The following TMEM132B variants were observed in gnomAD, a reference collection of about 807,000 sequenced individuals.
TMEM132B encodes the protein transmembrane protein 132B.
Under a neutral mutation model 90.8 loss-of-function variants are expected in TMEM132B, and 18 were observed. The ratio of observed to expected loss-of-function variants is 0.20; its 90% CI spans 0.14 to 0.29. TMEM132B has a LOEUF of 0.29. TMEM132B is among the 10% of genes least tolerant of loss of function. The pLI is 1.00. For synonymous variants in TMEM132B, 504 were observed against 523.3 expected (o/e 0.96, Z 0.50); for missense variants, 1,096 against 1,326.8 (o/e 0.83, Z 2.70).
At position 125,349,972 on chromosome 12, in the gene TMEM132B, C is replaced by T. The variant is rs374892074; in HGVS notation, c.588C>T (p.Pro196=). The T allele has an allele frequency of 3.7e-4, 594 of 1,614,164 alleles. No individual in the cohort carries two copies. The highest frequency in any genetic ancestry group is 2.6e-3 in the East Asian group (115 of 44,884). ...GTGTGGCTGAGCTGGAGCTGCTGCCCGAGTGGTTCAGCTCAGGCCTGGACC... is the reference window on the plus strand; with the variant it reads ...GTGTGGCTGAGCTGGAGCTGCTGCCTGAGTGGTTCAGCTCAGGCCTGGACC... ...GLCVAELELL[P]EWFSSGLDLE... is the part of the protein sequence containing the mutation. The change falls in exon 2 of 9, where the codon CCC becomes CCT. Residue 196 remains proline, a synonymous_variant. Transcript: ENST00000682704. This position sits in a 1 kb window ranked among gnomAD's most constrained non-coding sequence, Gnocchi z 4.1.
At chr12:125,481,330 A>T (rs951460529) in intron 3 of TMEM132B, among the ~76,000 whole-genome samples, 4 of 152,226 alleles carry the variant, frequency 2.6e-5, no homozygotes, top group Admixed American at 2.6e-4. Context: ...CTATTTGCAG[A>T]TGGCATGACT....
rs180936219 is a variant in TMEM132B, at chr12:125,460,865, A to T, written c.1106+45188A>T. Among the ~76,000 whole-genome samples, 30 of 152,330 alleles carry T rather than the reference A, an allele frequency of 2.0e-4. No homozygotes were observed. The highest frequency in any genetic ancestry group is 7.2e-4 in the African/African-American group (30 of 41,566). On this transcript the variant is annotated intron_variant, in intron 3 of 8. Transcript: ENST00000682704. The surrounding 1 kb of genome is among the most constrained non-coding windows in gnomAD (Gnocchi z 4.4). The stretch of plus-strand genomic sequence containing the variant: ...CTTCTGGTCTTTTGAAGACAATGAA[A>T]CATATTGTTTGTTGTCATCATGAAA...
At chr12:125,637,576 G>A (rs536279747) in intron 5 of TMEM132B, among the ~76,000 whole-genome samples, 1 of 152,102 alleles carries the variant, frequency 6.6e-6, no homozygotes, top group African/African-American at 2.4e-5. Flanking sequence ...GAAGCAAAGT[G>A]GGGGGACAAC....
In TMEM132B at chr12:125,654,078, T is replaced by G; in HGVS notation, c.2620T>G (p.Phe874Val). ...KLLKSGGPDA[F>V]TSFPTQGKSP... ...ACTCAAAAGTGGTGGTCCAGATGCC[T>G]TTACAAGCTTCCCCACTCAAGGGAA... Residue 874 changes from phenylalanine to valine, a missense_variant, in exon 9 of 9, where the codon TTT becomes GTT. Coordinates refer to ENST00000682704, the MANE Select transcript of TMEM132B (RefSeq NM_001366854.1). The surrounding 1 kb of genome is among the most constrained non-coding windows in gnomAD (Gnocchi z 5.8). The G allele has an allele frequency of 6.2e-7, 1 of 1,614,132 alleles. No homozygotes were observed. Among genetic ancestry groups the G allele is most frequent in the Non-Finnish European group, 8.5e-7 (1 of 1,180,022 alleles).
intron 1 of TMEM132B, among the ~76,000 whole-genome samples, chr12:125,341,803 A>G (rs1190434977): frequency 6.6e-6 from 1 of 152,204 alleles, no homozygotes; most frequent in East Asian, 1.9e-4. Context: ...GTCAGGGTTG[A>G]GAATCCTTGT....
At chr12:125,229,980 C>T (rs1449317778) in intron 1 of TMEM132B, among the ~76,000 whole-genome samples, 1 of 152,218 alleles carries the variant, frequency 6.6e-6, no homozygotes, top group Non-Finnish European at 1.5e-5. Context: ...AATGCCGGGG[C>T]AGGAGCAGCC....
At chr12:125,613,333 G>A (rs1011987689) in intron 5 of TMEM132B, among the ~76,000 whole-genome samples, 2 of 148,224 alleles carry the variant, frequency 1.3e-5, no homozygotes, top group Admixed American at 6.9e-5. Flanking sequence ...ATCCACAACC[G>A]AATTTATCTT....
At chr12:125,421,503 C>T (rs1482858132) in intron 3 of TMEM132B, among the ~76,000 whole-genome samples, 4 of 152,196 alleles carry the variant, frequency 2.6e-5, no homozygotes, top group Non-Finnish European at 5.9e-5. Context: ...AAAGACCCAC[C>T]TCCATGAGTC....
In TMEM132B at chr12:125,268,638, T is replaced by C. The variant is rs955951100; in HGVS notation, c.68-80814T>C. On this transcript the variant is annotated intron_variant, in intron 1 of 8. Transcript: ENST00000682704. ...GTGTGTGTATATGTGCACTTTTATA[T>C]ACACACGATATTTTTGCAAGGTTCA... is the stretch of plus-strand genomic sequence containing the variant. 2.6e-5 allele frequency among the ~76,000 whole-genome samples: 4 copies of C among 152,364 alleles called. No homozygotes were observed. In the East Asian group the frequency reaches 7.7e-4, roughly 29 times the overall value.
At chr12:125,481,618 G>C (rs997994595) in intron 3 of TMEM132B, among the ~76,000 whole-genome samples, 1 of 152,156 alleles carries the variant, frequency 6.6e-6, no homozygotes, top group Admixed American at 6.6e-5. Flanking sequence ...CAAACAAATG[G>C]AAGAACATTC....
At position 125,326,315 on chromosome 12, in the gene TMEM132B, C is replaced by T. The variant is rs190707024; in HGVS notation, c.68-23137C>T. 6.0e-4 allele frequency among the ~76,000 whole-genome samples: 92 copies of T among 152,310 alleles called. 1 individual carries two copies. The Middle Eastern group carries it at 0.01, about 17-fold the overall frequency. The stretch of plus-strand genomic sequence containing the variant: ...AGCTTCAGAAGAGTCATTGTGTGAT[C>T]TATTGATTGCTTTTGGGGAGGAGAA... On this transcript the variant is annotated intron_variant, in intron 1 of 8. Transcript: ENST00000682704.
intron 1 of TMEM132B, among the ~76,000 whole-genome samples, chr12:125,202,680 A>G (rs1293572822): frequency 6.6e-6 from 1 of 152,188 alleles, no homozygotes; most frequent in Admixed American, 6.5e-5. Context: ...GAGCCATTCT[A>G]TCAGTTAGAG....
chr12:125,221,004 G>A lies in TMEM132B; in HGVS notation c.67+34138G>A, dbSNP rs145822611. On this transcript the variant is annotated intron_variant, in intron 1 of 8. Coordinates refer to ENST00000682704, the MANE Select transcript of TMEM132B (RefSeq NM_001366854.1). ...TGGAACACTCTTGCCCAATGTGTGC[G>A]TGGCTCATACCCTCAGTTCATGACT... 2.4e-3 allele frequency among the ~76,000 whole-genome samples: 371 copies of A among 152,344 alleles called. 2 individuals are homozygous for A. The highest frequency in any genetic ancestry group is 5.0e-3 in the Admixed American group (77 of 15,308).
chr12:125,573,674 G>A (rs927729125), intron 4 of TMEM132B, among the ~76,000 whole-genome samples: 2 of 152,170 alleles, frequency 1.3e-5, no homozygotes, highest in Non-Finnish European at 2.9e-5. Flanking sequence ...GTCACTTTGG[G>A]AGCCAGGATG....
intron 2 of TMEM132B, among the ~76,000 whole-genome samples, chr12:125,409,434 T>A (rs1879620954): frequency 6.6e-6 from 1 of 152,170 alleles, no homozygotes; most frequent in Non-Finnish European, 1.5e-5. Flanking sequence ...CGGCAGTGCT[T>A]GTGGTGTGCA....
At chr12:125,524,470 A>G (rs974965944) in intron 4 of TMEM132B, among the ~76,000 whole-genome samples, 21 of 152,204 alleles carry the variant, frequency 1.4e-4, no homozygotes, top group African/African-American at 4.1e-4. Context: ...TGAAATTTGA[A>G]CTCCAGTTAC....
chr12:125,388,053 C>G (rs184831448), intron 2 of TMEM132B, among the ~76,000 whole-genome samples: 1 of 152,228 alleles, frequency 6.6e-6, no homozygotes, highest in Admixed American at 6.5e-5. Context: ...ATACACGAGG[C>G]ATGGAGGGCT....
chr12:125,654,762 T>C lies in TMEM132B; in HGVS notation c.*52T>C. On this transcript the variant is annotated 3_prime_UTR_variant, in exon 9 of 9. Transcript: ENST00000682704. The surrounding 1 kb of genome is among the most constrained non-coding windows in gnomAD (Gnocchi z 5.8). ...TTTATGCCTTCTGTTTTTTGAATGC[T>C]GGAGCAGTGAGTTTGATCAGCAATA... 6.4e-7 allele frequency: 1 copy of C among 1,561,444 alleles called. No individual in the cohort carries two copies. Among genetic ancestry groups the C allele is most frequent in the Non-Finnish European group, 8.7e-7 (1 of 1,151,866 alleles).
chr12:125,334,358 C>G (rs564097292), intron 1 of TMEM132B, among the ~76,000 whole-genome samples: 1 of 151,266 alleles, frequency 6.6e-6, no homozygotes, highest in East Asian at 2.0e-4. Context: ...ACTCCTTCTA[C>G]CAGACCTCTC....
Sources: gnomAD v4.1 joint callset for allele counts (sites outside exome capture counted in the v4.1 genomes callset) on GRCh38, gnomAD v4.1.1 for gene constraint, Gnocchi (gnomAD v3.1) non-coding constraint, MANE v1.5 for transcripts, NCBI Gene and HGNC (gene_info 2026-07-23, HGNC 2026-07-21) for gene names.